Variants in EML6 observed in about 807,000 individuals in gnomAD.
The protein encoded by EML6 is EMAP like 6.
Under a neutral mutation model 240.1 loss-of-function variants are expected in EML6, and 154 were observed. The ratio of observed to expected loss-of-function variants is 0.64; its 90% confidence interval spans 0.56 to 0.73. EML6 has a LOEUF of 0.73. Among genes scored for constraint, EML6 ranks in the 30% least tolerant of loss-of-function variants. The pLI is 0.00. For missense variants in EML6, 2,964 were observed against 2,474.6 expected (o/e 1.20, Z -4.20); for synonymous variants, 1,148 against 899.0 (o/e 1.28, Z -4.95).
intron 26 of EML6, among the ~76,000 whole-genome samples, chr2:54,918,046 A>G (rs538349969): frequency 6.6e-5 from 10 of 152,358 alleles, no homozygotes; most frequent in South Asian, 4.1e-4. Flanking sequence ...ATAGACGTCA[A>G]TCTCAAAAAT....
At chr2:54,788,637 C>G (rs1669224046) in intron 2 of EML6, among the ~76,000 whole-genome samples, 1 of 152,144 alleles carries the variant, frequency 6.6e-6, no homozygotes, top group Admixed American at 6.5e-5. Flanking sequence ...GCCAAAATAA[C>G]TGGTTATTTG....
intron 11 of EML6, among the ~76,000 whole-genome samples, chr2:54,858,468 C>A (rs1028137647): frequency 4.6e-5 from 7 of 152,194 alleles, no homozygotes; most frequent in Non-Finnish European, 1.0e-4. Flanking sequence ...TTGGGAAGAG[C>A]ATACCCTGCT....
At position 54,950,630 on chromosome 2, in the gene EML6, A is replaced by C. The variant is rs778694255; in HGVS notation, c.4084-20A>C. ...CTTCCTTCCTCTGAGGGTCACATTG[A>C]TCTGTGTGTGTGAATGCAGGAGCTG... On this transcript the variant is annotated intron_variant, in intron 29 of 41. Coordinates refer to ENST00000356458, the MANE Select transcript of EML6 (RefSeq NM_001039753.4). 6.4e-7 allele frequency: 1 copy of C among 1,551,134 alleles called. No individual in the cohort carries two copies. Among genetic ancestry groups the C allele is most frequent in the African/African-American group, 1.4e-5 (1 of 73,018 alleles).
intron 28 of EML6, among the ~76,000 whole-genome samples, chr2:54,944,030 C>G (rs1675559174): frequency 6.6e-6 from 1 of 152,126 alleles, no homozygotes; most frequent in South Asian, 2.1e-4. Context: ...AGTGTCTCAC[C>G]TCTGCTTCCT....
intron 2 of EML6, among the ~76,000 whole-genome samples, chr2:54,742,032 A>T (rs1159444578): frequency 6.6e-6 from 1 of 152,242 alleles, no homozygotes; most frequent in African/African-American, 2.4e-5. Flanking sequence ...CACCATAACT[A>T]AATTCAAATT....
At chr2:54,939,848 T>A (rs1203643138) in intron 28 of EML6, among the ~76,000 whole-genome samples, 1 of 152,218 alleles carries the variant, frequency 6.6e-6, no homozygotes, top group Non-Finnish European at 1.5e-5. Flanking sequence ...AGGAACCATT[T>A]CACTTCACAA....
intron 28 of EML6, among the ~76,000 whole-genome samples, chr2:54,931,338 G>T (rs958535186): frequency 1.3e-5 from 2 of 152,190 alleles, no homozygotes; most frequent in African/African-American, 4.8e-5. Context: ...AAAGCAGGAT[G>T]AGTGATGGAA....
chr2:54,898,311 G>A (rs948592687), intron 21 of EML6, among the ~76,000 whole-genome samples: 3 of 152,142 alleles, frequency 2.0e-5, no homozygotes, highest in African/African-American at 7.2e-5. Context: ...TAAGGCAGTG[G>A]TTTAAAAGGA....
intron 14 of EML6, chr2:54,867,222 T>C (rs545392674): frequency 5.7e-6 from 1 of 175,054 alleles, no homozygotes; most frequent in African/African-American, 2.3e-5. Flanking sequence ...CCTAATCCCC[T>C]GCTGTGTTTT....
chr2:54,867,597 C>T (rs1201904274), intron 14 of EML6: 1 of 152,170 alleles, frequency 6.6e-6, no homozygotes, highest in African/African-American at 2.4e-5. Flanking sequence ...CTACAAAAAA[C>T]TAGCCAGATG....
At chr2:54,891,276 A>G in intron 18 of EML6, 122 bp downstream of exon 18, 1 of 522,562 alleles carries the variant, frequency 1.9e-6, no homozygotes, top group Non-Finnish European at 3.4e-6. Flanking sequence ...AAATGTGCCT[A>G]AAAAAATTAT....
At chr2:54,891,472 G>T (rs1027069410) in intron 18 of EML6, among the ~76,000 whole-genome samples, 4 of 152,154 alleles carry the variant, frequency 2.6e-5, no homozygotes, top group Non-Finnish European at 5.9e-5. Flanking sequence ...AATCATTTTG[G>T]TTGAGTGAAT....
At chr2:54,821,438 A>T (rs1212687498) in intron 5 of EML6, among the ~76,000 whole-genome samples, 2 of 152,180 alleles carry the variant, frequency 1.3e-5, no homozygotes, top group Non-Finnish European at 2.9e-5. Flanking sequence ...GACACGTCTA[A>T]AATTTACAAA....
At chr2:54,908,413 C>T (rs533225966) in intron 24 of EML6, among the ~76,000 whole-genome samples, 191 of 152,110 alleles carry the variant, frequency 1.3e-3, no homozygotes, top group Non-Finnish European at 1.9e-3. Context: ...TGGGGTTTCA[C>T]CATGTTGCCC....
chr2:54,954,953 T>G (rs918342151), intron 32 of EML6, among the ~76,000 whole-genome samples: 6 of 152,190 alleles, frequency 3.9e-5, no homozygotes, highest in Non-Finnish European at 8.8e-5. Context: ...AGTCCCATTA[T>G]CTCTGCATCT....
chr2:54,859,772 T>G, intron 12 of EML6, 71 bp downstream of exon 12: 4 of 1,307,126 alleles, frequency 3.1e-6, no homozygotes, highest in Non-Finnish European at 3.1e-6. Context: ...GTCTAACATG[T>G]ATTCTATAGG....
intron 26 of EML6, among the ~76,000 whole-genome samples, chr2:54,921,261 A>T (rs953304128): frequency 2.6e-5 from 4 of 152,156 alleles, no homozygotes; most frequent in African/African-American, 9.6e-5. Flanking sequence ...GTAAAGTTGT[A>T]GGATACAAAG....
chr2:54,823,491 G>A (rs1362689900), intron 5 of EML6, among the ~76,000 whole-genome samples: 1 of 152,060 alleles, frequency 6.6e-6, no homozygotes, highest in East Asian at 1.9e-4. Context: ...TTGAAAGATG[G>A]CGGCCACAAA....
At chr2:54,882,353 C>A (rs1007499931) in intron 17 of EML6, 5 of 147,990 alleles carry the variant, frequency 3.4e-5, no homozygotes, top group Non-Finnish European at 5.9e-5. Flanking sequence ...CAAGGCTGAT[C>A]TCTTATAGAA....
Sources: gnomAD v4.1 joint callset for allele counts (sites outside exome capture counted in the v4.1 genomes callset) on GRCh38, gnomAD v4.1.1 for gene constraint, MANE v1.5 for transcripts, NCBI Gene and HGNC (gene_info 2026-07-23, HGNC 2026-07-21) for gene names.